PRLR: variants seen among roughly 807,000 people sequenced by gnomAD.
PRLR encodes prolactin receptor.
Under a neutral mutation model 40.2 loss-of-function variants are expected in PRLR, and 13 were observed. The ratio of observed to expected loss-of-function variants is 0.32; its 90% CI spans 0.21 to 0.51. The LOEUF is 0.51. Ranked by LOEUF, PRLR falls within the 20% of genes least tolerant of loss-of-function variation. The probability of loss-of-function intolerance (pLI) is 0.97; values close to 1 mark genes in which losing one functional copy is unlikely to be tolerated. For missense variants in PRLR, 656 were observed against 747.3 expected (o/e 0.88, Z 1.42); for synonymous variants, 269 against 278.7 (o/e 0.97, Z 0.35).
At chr5:35,214,825 T>A (rs73078895) in intron 1 of PRLR, among the ~76,000 whole-genome samples, 5,214 of 152,188 alleles carry the variant, frequency 0.034, 336 homozygotes, top group African/African-American at 0.12. Flanking sequence ...AATGACCATC[T>A]CTCTTTTGAA....
chr5:35,142,243 G>A (rs1180140877), intron 1 of PRLR, among the ~76,000 whole-genome samples: 1 of 152,196 alleles, frequency 6.6e-6, no homozygotes, highest in African/African-American at 2.4e-5. Flanking sequence ...TGCCTAGGTT[G>A]AACTGAATAT....
chr5:35,129,424 TG>T (rs1457032826), intron 1 of PRLR, among the ~76,000 whole-genome samples: 1 of 152,178 alleles, frequency 6.6e-6, no homozygotes, highest in Non-Finnish European at 1.5e-5. Flanking sequence ...ATTGGCCAGA[TG>T]AGTCACTGTG....
chr5:35,151,639 A>C (rs919289455), intron 1 of PRLR, among the ~76,000 whole-genome samples: 2 of 152,060 alleles, frequency 1.3e-5, no homozygotes, highest in Admixed American at 1.3e-4. Flanking sequence ...TTTTCTCTGC[A>C]TGCTCCCTCT....
chr5:35,148,135 T>C (rs1158567361), intron 1 of PRLR, among the ~76,000 whole-genome samples: 1 of 152,180 alleles, frequency 6.6e-6, no homozygotes, highest in Non-Finnish European at 1.5e-5. Context: ...TTTTGCAATC[T>C]ACCCTTCTAA....
chr5:35,095,875 G>T (rs1771508911), intron 2 of PRLR, among the ~76,000 whole-genome samples: 2 of 152,192 alleles, frequency 1.3e-5, no homozygotes, highest in Admixed American at 1.3e-4. Context: ...AACGTAATTA[G>T]AAGTAGTTTA....
intron 2 of PRLR, among the ~76,000 whole-genome samples, chr5:35,106,043 C>A (rs1217333298): frequency 5.9e-5 from 9 of 152,236 alleles, no homozygotes; most frequent in Non-Finnish European, 1.5e-5. Context: ...AGAAACTCTG[C>A]AAGCCAGAAG....
chr5:35,152,441 G>A (rs1774368136), intron 1 of PRLR, among the ~76,000 whole-genome samples: 1 of 90,042 alleles, frequency 1.1e-5, no homozygotes, highest in African/African-American at 3.9e-5. Context: ...TAGGTTGAGA[G>A]ACTTAGTAAA....
At chr5:35,192,074 C>G (rs933537591) in intron 1 of PRLR, among the ~76,000 whole-genome samples, 1 of 152,202 alleles carries the variant, frequency 6.6e-6, no homozygotes, top group African/African-American at 2.4e-5. Context: ...GACTTCATCA[C>G]GCTTGACATG....
intron 5 of PRLR, among the ~76,000 whole-genome samples, chr5:35,073,329 T>C (rs1769869853): frequency 6.6e-6 from 1 of 152,236 alleles, no homozygotes; most frequent in Non-Finnish European, 1.5e-5. Flanking sequence ...GTTGAGCTTT[T>C]TGGCAATGAT....
Position 35,175,114 on chromosome 5 carries a change from A to G in PRLR, c.-106+55154T>C, listed in dbSNP as rs370073252. On this transcript the variant is annotated intron_variant, in intron 1 of 9. Transcript: ENST00000618457. ...ATGGATAGATAGATAGATAGTTGAT[A>G]TGGTTTGGCTCTGTGTCCCCACCCA... Among the ~76,000 whole-genome samples, 5 of 152,264 alleles carry G rather than the reference A, an allele frequency of 3.3e-5. No homozygotes were observed. In the East Asian group the frequency reaches 5.8e-4, roughly 18 times the overall value.
intron 1 of PRLR, among the ~76,000 whole-genome samples, chr5:35,219,462 C>T (rs573159371): frequency 1.8e-4 from 27 of 152,294 alleles, no homozygotes; most frequent in African/African-American, 6.5e-4. Flanking sequence ...ACATGAAATT[C>T]TTAAAACAAG....
intron 1 of PRLR, among the ~76,000 whole-genome samples, chr5:35,188,996 C>A (rs1775523621): frequency 6.6e-6 from 1 of 152,092 alleles, no homozygotes; most frequent in South Asian, 2.1e-4. Flanking sequence ...AGGGTTATTG[C>A]AGATATAATT....
chr5:35,162,847 GT>G (rs1276713654), intron 1 of PRLR, among the ~76,000 whole-genome samples: 3 of 152,184 alleles, frequency 2.0e-5, no homozygotes, highest in Admixed American at 2.0e-4. Flanking sequence ...ATGATTCACT[GT>G]TTTAGAAATC....
At chr5:35,205,045 T>C (rs1382657102) in intron 1 of PRLR, among the ~76,000 whole-genome samples, 1 of 152,152 alleles carries the variant, frequency 6.6e-6, no homozygotes, top group African/African-American at 2.4e-5. Context: ...TCATTATGTG[T>C]TTGAATTTCT....
chr5:35,070,330 C>T (rs748243518), intron 6 of PRLR, 65 bp from the exon 7 acceptor site: 6 of 1,564,152 alleles, frequency 3.8e-6, no homozygotes, highest in Admixed American at 1.8e-5. Context: ...AGAGTTTTCC[C>T]CTAAAAAATA....
At chr5:35,156,562 C>T (rs1215818802) in intron 1 of PRLR, among the ~76,000 whole-genome samples, 1 of 152,226 alleles carries the variant, frequency 6.6e-6, no homozygotes, top group Admixed American at 6.5e-5. Flanking sequence ...ACTTTCCTCA[C>T]ACTTGTGCCA....
At chr5:35,070,384 G>T in intron 6 of PRLR, 119 bp from the exon 7 acceptor site, 1 of 1,076,264 alleles carries the variant, frequency 9.3e-7, no homozygotes, top group Non-Finnish European at 1.4e-6. Flanking sequence ...ATTCCCTGCT[G>T]TCACTACTCC....
intron 1 of PRLR, among the ~76,000 whole-genome samples, chr5:35,196,090 AAAATAAAATAAAATAAAAT>A (rs1342219680): frequency 2.4e-3 from 35 of 14,754 alleles, no homozygotes; most frequent in Non-Finnish European, 5.4e-3. Context: ...AAAATAAAAT[AAAATAAAATAAAATAAAAT>A]AAAGAGAAAT....
At chr5:35,186,324 T>C (rs1279712672) in intron 1 of PRLR, among the ~76,000 whole-genome samples, 1 of 152,226 alleles carries the variant, frequency 6.6e-6, no homozygotes, top group Non-Finnish European at 1.5e-5. Flanking sequence ...ATGCTATTTC[T>C]ATTGGGTGTG....
Sources: allele counts gnomAD v4.1 joint callset (sites outside exome capture counted in the v4.1 genomes callset), GRCh38; gene constraint gnomAD v4.1.1; transcripts MANE v1.5; gene names NCBI Gene and HGNC (gene_info 2026-07-23, HGNC 2026-07-21).